The following EXT1 variants were observed in gnomAD, a reference collection of about 807,000 sequenced individuals.
EXT1 encodes exostosin-1.
A neutral mutation model predicts 82.5 loss-of-function variants in EXT1; 20 were observed. The observed-to-expected ratio is 0.24, with a 90% CI of 0.17 to 0.35. The LOEUF is 0.35. Among genes scored for constraint, EXT1 ranks in the 10% least tolerant of loss-of-function variants. The pLI is 1.00. For synonymous variants in EXT1, 348 were observed against 350.8 expected (o/e 0.99, Z 0.09); for missense variants, 757 against 936.5 (o/e 0.81, Z 2.50).
At chr8:117,867,213 T>C (rs28429104) in intron 1 of EXT1, among the ~76,000 whole-genome samples, 4,982 of 141,940 alleles carry the variant, frequency 0.035, 301 homozygotes, top group African/African-American at 0.13. Context: ...GGGCCGAGAT[T>C]GCACCACTGT....
At chr8:117,894,905 AG>A (rs1291460575) in intron 1 of EXT1, among the ~76,000 whole-genome samples, 3 of 152,238 alleles carry the variant, frequency 2.0e-5, no homozygotes, top group Non-Finnish European at 4.4e-5. Context: ...AGGAAATGAC[AG>A]GAAGTGATAA....
At chr8:117,807,123 G>T in intron 9 of EXT1, 94 bp downstream of exon 9, 1 of 1,482,536 alleles carries the variant, frequency 6.7e-7, no homozygotes, top group Non-Finnish European at 9.4e-7. Flanking sequence ...TTTCCTCAAT[G>T]CTGTTAACAA....
At chr8:118,031,081 T>G (rs2325823) in intron 1 of EXT1, among the ~76,000 whole-genome samples, 150,523 of 152,248 alleles carry the variant, frequency 0.99, 74,422 homozygotes, top group East Asian at 1. Context: ...GAGTGGATGG[T>G]CTAGAAACAG....
chr8:118,085,351 T>C (rs1817396797), intron 1 of EXT1, among the ~76,000 whole-genome samples: 1 of 152,194 alleles, frequency 6.6e-6, no homozygotes, highest in African/African-American at 2.4e-5. Flanking sequence ...TAAAGCCATA[T>C]ACCATAGCTT....
intron 1 of EXT1, among the ~76,000 whole-genome samples, chr8:118,025,949 G>A (rs1185878644): frequency 6.6e-6 from 1 of 152,144 alleles, no homozygotes; most frequent in Non-Finnish European, 1.5e-5. Context: ...TCTCTGGCTG[G>A]AGGAGGGTTT....
chr8:118,101,713 A>G (rs1228118978), intron 1 of EXT1, among the ~76,000 whole-genome samples: 1 of 152,212 alleles, frequency 6.6e-6, no homozygotes, highest in Non-Finnish European at 1.5e-5. Flanking sequence ...TGGAGCTTCA[A>G]AGGCCCCCTG....
chr8:118,067,029 ATTGT>A (rs1281775668), intron 1 of EXT1, among the ~76,000 whole-genome samples: 2 of 152,242 alleles, frequency 1.3e-5, no homozygotes, highest in East Asian at 3.8e-4. Context: ...TCTCTGGTAG[ATTGT>A]TTGTAACATA....
intron 8 of EXT1, among the ~76,000 whole-genome samples, chr8:117,811,035 A>G (rs1267958599): frequency 6.6e-6 from 1 of 152,144 alleles, no homozygotes; most frequent in East Asian, 1.9e-4. Flanking sequence ...GGCCAAAGGG[A>G]GGAGCTGCTT....
intron 4 of EXT1, among the ~76,000 whole-genome samples, chr8:117,824,447 C>G (rs974143996): frequency 2.0e-5 from 3 of 152,308 alleles, no homozygotes; most frequent in Non-Finnish European, 4.4e-5. Flanking sequence ...AGACATAGGA[C>G]AGGTACGAAA....
intron 4 of EXT1, among the ~76,000 whole-genome samples, chr8:117,829,889 A>C (rs1812069813): frequency 6.6e-6 from 1 of 151,936 alleles, no homozygotes; most frequent in African/African-American, 2.4e-5. Flanking sequence ...TTTTTTTCTA[A>C]ATGAACTCCA....
At chr8:118,063,714 C>A (rs752162872) in intron 1 of EXT1, among the ~76,000 whole-genome samples, 1 of 152,210 alleles carries the variant, frequency 6.6e-6, no homozygotes, top group African/African-American at 2.4e-5. Context: ...ACTAGACTCT[C>A]CTGTGAGATC....
chr8:117,941,154 A>G (rs1814264829), intron 1 of EXT1, among the ~76,000 whole-genome samples: 1 of 152,192 alleles, frequency 6.6e-6, no homozygotes, highest in African/African-American at 2.4e-5. Context: ...CCTCTAGGGA[A>G]CCCTACCTAA....
At chr8:117,891,250 C>T (rs980033077) in intron 1 of EXT1, among the ~76,000 whole-genome samples, 2 of 152,120 alleles carry the variant, frequency 1.3e-5, no homozygotes, top group African/African-American at 4.8e-5. Context: ...TTACAAGCAA[C>T]GTTGAAGAAG....
chr8:118,106,936 T>G (rs1817811497), intron 1 of EXT1, among the ~76,000 whole-genome samples: 1 of 152,148 alleles, frequency 6.6e-6, no homozygotes, highest in African/African-American at 2.4e-5. Context: ...AACGTCTGGG[T>G]CAAAAAATGA....
chr8:117,962,754 C>CCCA (rs1372708044), intron 1 of EXT1, among the ~76,000 whole-genome samples: 1 of 132,464 alleles, frequency 7.5e-6, no homozygotes, highest in African/African-American at 3.8e-5. Context: ...CTCCATCCCC[C>CCCA]CACACCCCCC....
rs923670438 is a variant in EXT1, at chr8:117,795,791, ACT to A, written c.*3919_*3920del. ...ATTCCAGCCTGGGTGACAGGGCAAG[ACT>A]CTGTCTCAAAGAAAAAAAAAAGACT... On this transcript the variant is annotated 3_prime_UTR_variant, in exon 11 of 11. Transcript: ENST00000378204. 3 of 151,516 alleles carry A rather than the reference ACT, an allele frequency of 2.0e-5. No homozygotes were observed. Among genetic ancestry groups the A allele is most frequent in the Non-Finnish European group, 4.4e-5 (3 of 67,920 alleles). The allele number at this position is 151,516 out of a possible 1,614,324, so 9.4% of individuals were successfully genotyped here.
chr8:117,901,039 CT>C (rs1371186236), intron 1 of EXT1, among the ~76,000 whole-genome samples: 1 of 152,198 alleles, frequency 6.6e-6, no homozygotes, highest in Non-Finnish European at 1.5e-5. Flanking sequence ...GTAAAGCCAG[CT>C]TTCTGGTCTG....
intron 1 of EXT1, among the ~76,000 whole-genome samples, chr8:117,992,135 C>T (rs1815447052): frequency 6.6e-6 from 1 of 152,136 alleles, no homozygotes; most frequent in Admixed American, 6.5e-5. Flanking sequence ...CAGCTGCCCA[C>T]AGGGGCTCCT....
chr8:117,858,049 A>G (rs1229171112), intron 1 of EXT1, among the ~76,000 whole-genome samples: 4 of 152,208 alleles, frequency 2.6e-5, no homozygotes, highest in Non-Finnish European at 5.9e-5. Flanking sequence ...AATTGCAGCA[A>G]TCTTATAAAA....
Sources: gnomAD v4.1 joint callset for allele counts (sites outside exome capture counted in the v4.1 genomes callset) on GRCh38, gnomAD v4.1.1 for gene constraint, MANE v1.5 for transcripts, NCBI Gene and HGNC (gene_info 2026-07-23, HGNC 2026-07-21) for gene names.